The following ARID5B variants were observed in gnomAD, a reference collection of about 807,000 sequenced individuals.
ARID5B encodes AT-rich interactive domain-containing protein 5B.
A neutral mutation model predicts 97.2 loss-of-function variants in ARID5B; 13 were observed. The observed-to-expected ratio is 0.13, with a 90% confidence interval of 0.09 to 0.21. ARID5B has a LOEUF of 0.21. Ranked by LOEUF, ARID5B falls within the 10% of genes least tolerant of loss-of-function variation. ARID5B has a pLI of 1.00. For synonymous variants in ARID5B, 556 were observed against 570.3 expected (o/e 0.97, Z 0.36); for missense variants, 1,210 against 1,465.3 (o/e 0.83, Z 2.84).
chr10:61,965,028 C>T (rs76804656), intron 3 of ARID5B, among the ~76,000 whole-genome samples: 7,268 of 152,112 alleles, frequency 0.048, 249 homozygotes, highest in East Asian at 0.14. Context: ...GCTTTGGGGC[C>T]GGAAATCATT....
chr10:61,921,186 G>A (rs1051671466), intron 2 of ARID5B, among the ~76,000 whole-genome samples: 14 of 152,314 alleles, frequency 9.2e-5, no homozygotes, highest in Admixed American at 3.3e-4. Context: ...CTATTGTTGT[G>A]TAACAGATTA....
chr10:61,940,101 C>T, intron 2 of ARID5B, 82 bp from the exon 3 acceptor site: 1 of 1,309,132 alleles, frequency 7.6e-7, no homozygotes, highest in Non-Finnish European at 1.1e-6. Flanking sequence ...CATGGCATTT[C>T]AGATGGGCCT....
chr10:61,960,920 T>C (rs942820929), intron 3 of ARID5B, among the ~76,000 whole-genome samples: 3 of 152,270 alleles, frequency 2.0e-5, no homozygotes, highest in Admixed American at 2.0e-4. Flanking sequence ...CTTCGGCAAG[T>C]TGTAGAGTAT....
chr10:62,000,361 T>C lies in ARID5B; in HGVS notation c.733+40T>C. ...TTTTTTCCTACCTGATTCTTGTGCGTGTGTGCCTAGTTGTTTTCAGTTCTT... is the reference window on the plus strand; with the variant it reads ...TTTTTTCCTACCTGATTCTTGTGCGCGTGTGCCTAGTTGTTTTCAGTTCTT... On this transcript the variant is annotated intron_variant, in intron 4 of 9. Transcript: ENST00000279873. This position sits in a 1 kb window ranked among gnomAD's most constrained non-coding sequence, Gnocchi z 4.4. 2 of 1,518,112 alleles carry C rather than the reference T, an allele frequency of 1.3e-6. No individual in the cohort carries two copies. The highest frequency in any genetic ancestry group is 1.8e-6 in the Non-Finnish European group (2 of 1,119,306). The allele number at this position is 1,518,112 out of a possible 1,614,324, so 94.0% of individuals were successfully genotyped here.
intron 4 of ARID5B, among the ~76,000 whole-genome samples, chr10:62,014,123 A>G (rs957818786): frequency 6.6e-6 from 1 of 152,152 alleles, no homozygotes; most frequent in Admixed American, 6.6e-5. Flanking sequence ...TATACCCAAT[A>G]GTGGGATTGC....
intron 3 of ARID5B, among the ~76,000 whole-genome samples, chr10:61,948,610 C>T (rs1838276439): frequency 6.6e-6 from 1 of 152,096 alleles, no homozygotes; most frequent in Non-Finnish European, 1.5e-5. Flanking sequence ...TCGTGATCTG[C>T]CCACCTTGGC....
chr10:61,939,429 T>C (rs189088802), intron 2 of ARID5B, among the ~76,000 whole-genome samples: 115 of 152,302 alleles, frequency 7.6e-4, no homozygotes, highest in African/African-American at 2.6e-3. Flanking sequence ...ATGCTTAACA[T>C]TCAAATTTAT....
At chr10:62,029,332 A>G (rs1301504902) in intron 4 of ARID5B, among the ~76,000 whole-genome samples, 2 of 152,122 alleles carry the variant, frequency 1.3e-5, no homozygotes, top group South Asian at 4.1e-4. Flanking sequence ...ATATCTATCT[A>G]TGTAGTATAT....
chr10:61,992,351 C>T (rs574132511), intron 3 of ARID5B, among the ~76,000 whole-genome samples: 26 of 152,194 alleles, frequency 1.7e-4, no homozygotes, highest in African/African-American at 6.3e-4. Context: ...CTTCCCACTG[C>T]GTTCATTTGT....
intron 3 of ARID5B, among the ~76,000 whole-genome samples, chr10:61,989,218 C>T (rs10994995): frequency 7.4e-4 from 113 of 152,170 alleles, no homozygotes; most frequent in African/African-American, 2.5e-3. Flanking sequence ...CGTGAGCCAC[C>T]GTGTGCGGCC....
At chr10:62,072,165 C>T (rs1364087417) in intron 8 of ARID5B, among the ~76,000 whole-genome samples, 1 of 152,150 alleles carries the variant, frequency 6.6e-6, no homozygotes, top group African/African-American at 2.4e-5. Flanking sequence ...AGCACTGATG[C>T]TTCGGGAGCT....
intron 2 of ARID5B, among the ~76,000 whole-genome samples, chr10:61,930,293 G>GT (rs2132782833): frequency 6.6e-6 from 1 of 152,344 alleles, no homozygotes; most frequent in East Asian, 1.9e-4. Flanking sequence ...TACACATCTT[G>GT]TGAGCAAAGC....
intron 2 of ARID5B, among the ~76,000 whole-genome samples, chr10:61,922,517 C>T (rs911869621): frequency 4.6e-5 from 7 of 152,266 alleles, no homozygotes; most frequent in South Asian, 2.1e-4. Context: ...GCAGGAGAAT[C>T]GCTTGAACCC....
At chr10:61,973,202 T>C (rs1044648128) in intron 3 of ARID5B, among the ~76,000 whole-genome samples, 1 of 152,190 alleles carries the variant, frequency 6.6e-6, no homozygotes. Flanking sequence ...GGGTCTATGC[T>C]GTTTGTATGT....
At chr10:61,969,453 A>G (rs973533915) in intron 3 of ARID5B, among the ~76,000 whole-genome samples, 1 of 152,004 alleles carries the variant, frequency 6.6e-6, no homozygotes, top group Non-Finnish European at 1.5e-5. Flanking sequence ...ATAAGTGTCT[A>G]CAACAAAATT....
chr10:62,065,391 T>C (rs957961705), intron 7 of ARID5B, among the ~76,000 whole-genome samples: 2 of 152,144 alleles, frequency 1.3e-5, no homozygotes, highest in Admixed American at 6.5e-5. Context: ...CTCCCTCCCT[T>C]CCTTCCTTTC....
chr10:62,092,458 C>T lies in ARID5B; in HGVS notation c.2995C>T (p.Arg999Trp). The T allele has an allele frequency of 6.2e-7, 1 of 1,614,172 alleles. No homozygotes were observed. The highest frequency in any genetic ancestry group is 8.5e-7 in the Non-Finnish European group (1 of 1,180,020). ...AGGCATGGTCCACCCAATCCTGCAC[C>T]GGAAAATGAGCCCGCAGAACATTGG... Reference protein sequence around the residue: ...MEGMVHPILHRKMSPQNIGAA... With the variant: ...MEGMVHPILHWKMSPQNIGAA... The change falls in exon 10 of 10, where the codon CGG becomes TGG. Residue 999 changes from arginine (R) to tryptophan (W), a missense_variant. By Grantham distance (101) the Arg-to-Trp change is moderately radical (BLOSUM62 -3). Around this residue, in one of 8 missense-constraint regions of ARID5B, gnomAD observed 800 missense variants for 839.1 expected, o/e 0.95. Coordinates refer to ENST00000279873, the MANE Select transcript of ARID5B (RefSeq NM_032199.3).
intron 2 of ARID5B, among the ~76,000 whole-genome samples, chr10:61,911,626 A>C (rs2132759045): frequency 6.6e-6 from 1 of 152,276 alleles, no homozygotes; most frequent in African/African-American, 2.4e-5. Flanking sequence ...TTGATTTAAC[A>C]TCTTTCTTTG....
At chr10:62,060,785 A>G (rs981211646) in intron 7 of ARID5B, among the ~76,000 whole-genome samples, 9 of 152,234 alleles carry the variant, frequency 5.9e-5, no homozygotes, top group Admixed American at 1.3e-4. Flanking sequence ...AGATAGTTAT[A>G]TGATATTGAA....
Sources: allele counts gnomAD v4.1 joint callset (sites outside exome capture counted in the v4.1 genomes callset), GRCh38; gene constraint gnomAD v4.1.1; regional missense constraint gnomAD v4.1.1; non-coding constraint Gnocchi (gnomAD v3.1); transcripts MANE v1.5; gene names NCBI Gene and HGNC (gene_info 2026-07-23, HGNC 2026-07-21).